DPP6: variants seen among roughly 807,000 people sequenced by gnomAD.
DPP6 encodes the protein A-type potassium channel modulatory protein DPP6.
Under a neutral mutation model 122.6 loss-of-function variants are expected in DPP6, and 69 were observed. That is an observed-to-expected ratio of 0.56 (90% CI 0.46 to 0.69). The LOEUF (loss-of-function observed/expected upper bound fraction) is 0.69. Ranked by LOEUF, DPP6 falls within the 30% of genes least tolerant of loss-of-function variation. DPP6 has a pLI of 0.00. For missense variants in DPP6, 928 were observed against 1,116.9 expected, an observed-to-expected ratio of 0.83 and a Z score of 2.41; for synonymous variants, 418 against 433.1, an observed-to-expected ratio of 0.97 and a Z score of 0.43.
chr7:154,556,625 T>C (rs1311510407), intron 4 of DPP6, among the ~76,000 whole-genome samples: 1 of 152,184 alleles, frequency 6.6e-6, no homozygotes, highest in Admixed American at 6.5e-5. Flanking sequence ...TTAATCAAAA[T>C]AGGAAATCCT....
intron 16 of DPP6, among the ~76,000 whole-genome samples, chr7:154,815,549 A>T (rs1799372263): frequency 6.6e-6 from 1 of 152,228 alleles, no homozygotes; most frequent in East Asian, 1.9e-4. Flanking sequence ...AAAACGACTC[A>T]ATCAATCCTG....
intron 1 of DPP6, among the ~76,000 whole-genome samples, chr7:154,191,362 T>G (rs1798609386): frequency 6.6e-6 from 1 of 152,254 alleles, no homozygotes; most frequent in Non-Finnish European, 1.5e-5. Flanking sequence ...TGAGTAGTTC[T>G]TTAATCACCC....
intron 1 of DPP6, among the ~76,000 whole-genome samples, chr7:154,159,619 C>T (rs1796871702): frequency 1.3e-5 from 2 of 152,298 alleles, no homozygotes; most frequent in South Asian, 4.1e-4. Flanking sequence ...CCTCTAACAT[C>T]ATCCAGTCTG....
intron 1 of DPP6, among the ~76,000 whole-genome samples, chr7:154,135,464 A>G (rs1335950735): frequency 2.0e-5 from 3 of 151,748 alleles, no homozygotes; most frequent in Admixed American, 1.3e-4. Context: ...CTATCTGTGT[A>G]CTTCCTGTGA....
At chr7:154,251,623 G>A (rs1314259478) in intron 1 of DPP6, among the ~76,000 whole-genome samples, 3 of 152,206 alleles carry the variant, frequency 2.0e-5, no homozygotes, top group African/African-American at 4.8e-5. Flanking sequence ...TAGGGAAACC[G>A]ACAGTGCAGC....
intron 1 of DPP6, among the ~76,000 whole-genome samples, chr7:154,023,320 A>ACGCGCGCG (rs372465221): frequency 3.1e-5 from 4 of 127,766 alleles, no homozygotes; most frequent in African/African-American, 1.3e-4. Flanking sequence ...TCTTGTCTGC[A>ACGCGCGCG]CACACACACA....
At chr7:153,996,614 C>A (rs1469863729) in intron 1 of DPP6, among the ~76,000 whole-genome samples, 3 of 151,620 alleles carry the variant, frequency 2.0e-5, no homozygotes, top group African/African-American at 4.8e-5. Flanking sequence ...AAAGTACACA[C>A]CAGAATGTAG....
chr7:154,057,104 C>T (rs1257442764), intron 1 of DPP6, among the ~76,000 whole-genome samples: 1 of 152,196 alleles, frequency 6.6e-6, no homozygotes, highest in Admixed American at 6.5e-5. Context: ...GCCATGAGGC[C>T]AGGTACTGAG....
the DPP6 span, among the ~76,000 whole-genome samples, chr7:153,790,974 A>T: frequency 6.6e-6 from 1 of 152,194 alleles, no homozygotes; most frequent in Non-Finnish European, 1.5e-5. Flanking sequence ...GGAGATAAAG[A>T]AAGGCCTCAA....
chr7:154,503,801 G>A (rs963776075), intron 3 of DPP6, among the ~76,000 whole-genome samples: 4 of 152,124 alleles, frequency 2.6e-5, no homozygotes, highest in Non-Finnish European at 5.9e-5. Flanking sequence ...GAAAAACTGC[G>A]ATTAAAACCC....
intron 1 of DPP6, among the ~76,000 whole-genome samples, chr7:154,077,551 A>G (rs994927538): frequency 7.3e-4 from 111 of 152,280 alleles, no homozygotes; most frequent in African/African-American, 2.6e-3. Flanking sequence ...CCCAAATGCC[A>G]GTGAAGTCTA....
intron 1 of DPP6, among the ~76,000 whole-genome samples, chr7:154,023,560 C>A (rs1289633619): frequency 6.6e-6 from 1 of 151,692 alleles, no homozygotes; most frequent in East Asian, 1.9e-4. Flanking sequence ...CAGCTCATTG[C>A]AACCTCCGCC....
rs1271010079 is a variant in DPP6 at position 154,481,385 on chromosome 7, G to A, written c.457+6348G>A. 6.6e-6 allele frequency among the ~76,000 whole-genome samples: 1 copy of A among 150,804 alleles called. No homozygotes were observed. The highest frequency in any genetic ancestry group is 2.5e-5 in the African/African-American group (1 of 40,726). ...TGTGTGTGTGTGTGTCTGTGTGTGT[G>A]TGCATGTCAGTCACTGGCTAATTTC... On this transcript the variant is annotated intron_variant, in intron 3 of 25. Coordinates refer to ENST00000377770, the MANE Select transcript of DPP6 (RefSeq NM_130797.4). The surrounding 1 kb of genome is among the most constrained non-coding windows in gnomAD (Gnocchi z 4.2).
At chr7:153,815,272 A>T in the DPP6 span, among the ~76,000 whole-genome samples, 42 of 152,210 alleles carry the variant, frequency 2.8e-4, no homozygotes, top group Admixed American at 1.6e-3. Flanking sequence ...CTCAGGATAC[A>T]AAATCAATGT....
At chr7:154,350,466 C>T (rs1810758499) in intron 1 of DPP6, among the ~76,000 whole-genome samples, 1 of 152,104 alleles carries the variant, frequency 6.6e-6, no homozygotes. Flanking sequence ...GTCGTAGACC[C>T]ATTACTTAAA....
intron 1 of DPP6, among the ~76,000 whole-genome samples, chr7:153,954,573 G>T (rs1173257221): frequency 6.6e-6 from 1 of 152,176 alleles, no homozygotes; most frequent in Non-Finnish European, 1.5e-5. Context: ...ACATTATTCT[G>T]GGTGTTTTGT....
In DPP6 at chr7:154,821,756, C is replaced by T; in HGVS notation, c.1666+14644C>T. ...TGTTTTGTTAGTATTAAAATGTTTC[C>T]TCAAGTCAAAGTATAGCATTTGCTT... On this transcript the variant is annotated intron_variant, in intron 16 of 25. Coordinates refer to ENST00000377770, the MANE Select transcript of DPP6 (RefSeq NM_130797.4). This position sits in a 1 kb window ranked among gnomAD's most constrained non-coding sequence, Gnocchi z 4.2. 6.6e-6 allele frequency among the ~76,000 whole-genome samples: 1 copy of T among 150,712 alleles called. No individual in the cohort carries two copies. The highest frequency in any genetic ancestry group is 1.9e-4 in the East Asian group (1 of 5,166).
chr7:154,749,881 G>A (rs112393729), intron 8 of DPP6, among the ~76,000 whole-genome samples: 49 of 125,928 alleles, frequency 3.9e-4, no homozygotes, highest in Admixed American at 5.5e-4. Flanking sequence ...CTGAGAGAGG[G>A]TGAGAGAGCA....
At chr7:154,847,260 T>C (rs547239335) in intron 16 of DPP6, among the ~76,000 whole-genome samples, 1 of 152,340 alleles carries the variant, frequency 6.6e-6, no homozygotes, top group South Asian at 2.1e-4. Context: ...ATATGTTACA[T>C]TGAGACATGT....
Sources: allele counts gnomAD v4.1 joint callset (sites outside exome capture counted in the v4.1 genomes callset), GRCh38; gene constraint gnomAD v4.1.1; non-coding constraint Gnocchi (gnomAD v3.1); transcripts MANE v1.5; gene names NCBI Gene and HGNC (gene_info 2026-07-23, HGNC 2026-07-21).